ADGRB3: variants seen among roughly 807,000 people sequenced by gnomAD.
The protein encoded by ADGRB3 is adhesion G protein-coupled receptor B3.
Under a neutral mutation model 193.4 loss-of-function variants are expected in ADGRB3, and 37 were observed. The ratio of observed to expected loss-of-function variants is 0.19; its 90% CI spans 0.15 to 0.25. The LOEUF is 0.25. Ranked by LOEUF, ADGRB3 falls within the 10% of genes least tolerant of loss-of-function variation. ADGRB3 has a pLI of 1.00. For synonymous variants in ADGRB3, 690 were observed against 644.2 expected, an observed-to-expected ratio of 1.07 and a Z score of -1.08; for missense variants, 1,637 against 1,852.9, an observed-to-expected ratio of 0.88 and a Z score of 2.14.
chr6:69,157,070 T>C (rs1774861385), intron 17 of ADGRB3, among the ~76,000 whole-genome samples: 1 of 152,182 alleles, frequency 6.6e-6, no homozygotes, highest in Non-Finnish European at 1.5e-5. Context: ...CTGATTTTCA[T>C]ACCATTCACG....
Position 69,382,946 on chromosome 6 carries a change from T to G in ADGRB3, c.4380+11T>G. 1 of 1,548,514 alleles carries G rather than the reference T, an allele frequency of 6.5e-7. No individual in the cohort carries two copies. The highest frequency in any genetic ancestry group is 8.9e-7 in the Non-Finnish European group (1 of 1,125,796). On this transcript the variant is annotated intron_variant, in intron 31 of 31. Coordinates refer to ENST00000370598, the MANE Select transcript of ADGRB3 (RefSeq NM_001704.3). ...AATACAAGCAGTATGGTAAGTATGC[T>G]TTGCTTCAATGCCTGAGTAGAAGAT...
intron 13 of ADGRB3, among the ~76,000 whole-genome samples, chr6:69,020,426 T>A (rs1222448710): frequency 3.3e-5 from 5 of 152,066 alleles, no homozygotes; most frequent in Non-Finnish European, 5.9e-5. Context: ...CATTTATTCA[T>A]CTTTACCTTT....
chr6:68,687,289 T>TTA (rs983055805), intron 3 of ADGRB3, among the ~76,000 whole-genome samples: 1 of 152,102 alleles, frequency 6.6e-6, no homozygotes, highest in African/African-American at 2.4e-5. Context: ...TTTGAAAGTT[T>TTA]TATATATATA....
intron 17 of ADGRB3, among the ~76,000 whole-genome samples, chr6:69,210,996 C>T (rs1306688973): frequency 6.6e-6 from 1 of 151,996 alleles, no homozygotes; most frequent in African/African-American, 2.4e-5. Flanking sequence ...GTGGCAGGCA[C>T]CTGTAGTCCC....
In ADGRB3 at chr6:68,956,556, T is replaced by C. The variant is rs1768081751; in HGVS notation, c.1361-89T>C. The C allele has an allele frequency of 6.1e-6, 9 of 1,487,004 alleles. No homozygotes were observed. In the South Asian group the frequency reaches 1.1e-4, roughly 18 times the overall value. 92.1% of individuals were successfully genotyped at this position (1,487,004 alleles called of 1,614,324 possible). A position where few individuals can be genotyped will look rare whatever the true frequency, so the allele number is the denominator to read the frequency against. ...ATTCACAGTAGTAGATTAACAAAAA[T>C]GGAAGGGGTAGTAACATTCTCAGAT... On this transcript the variant is annotated intron_variant, in intron 7 of 31. Transcript: ENST00000370598.
At chr6:68,912,102 C>A (rs934257857) in intron 3 of ADGRB3, among the ~76,000 whole-genome samples, 2 of 151,856 alleles carry the variant, frequency 1.3e-5, no homozygotes, top group Admixed American at 6.6e-5. Flanking sequence ...TCTTTCTCAG[C>A]CATTTACTAA....
intron 3 of ADGRB3, among the ~76,000 whole-genome samples, chr6:68,659,284 A>G (rs1768565302): frequency 6.6e-6 from 1 of 150,778 alleles, no homozygotes. Context: ...AACTAATCAA[A>G]ACAAAATTAT....
chr6:69,057,465 G>C (rs1771576982), intron 15 of ADGRB3, among the ~76,000 whole-genome samples: 1 of 151,778 alleles, frequency 6.6e-6, no homozygotes, highest in Admixed American at 6.6e-5. Flanking sequence ...GCAAGAGAGG[G>C]CATTTTTGTC....
chr6:69,256,060 A>G (rs1169851553), intron 20 of ADGRB3, among the ~76,000 whole-genome samples: 4 of 151,536 alleles, frequency 2.6e-5, no homozygotes, highest in Non-Finnish European at 5.9e-5. Context: ...CCATTGATCT[A>G]TATCTCTGTT....
rs140280855 is a variant in ADGRB3 at position 68,934,254 on chromosome 6, A to G, written c.869-2265A>G. On this transcript the variant is annotated intron_variant, in intron 4 of 31. Coordinates refer to ENST00000370598, the MANE Select transcript of ADGRB3 (RefSeq NM_001704.3). ...TATTTACTTAGTTTATTTTTGATCA[A>G]TGAAGAGAGAGGAAGAGTGACAAGA... 7.9e-4 allele frequency among the ~76,000 whole-genome samples: 120 copies of G among 152,292 alleles called. 3 individuals carry two copies. Among genetic ancestry groups the G allele is most frequent in the African/African-American group, 2.6e-3 (109 of 41,572 alleles).
chr6:69,047,612 G>C (rs892312249), intron 13 of ADGRB3, among the ~76,000 whole-genome samples: 3 of 151,488 alleles, frequency 2.0e-5, no homozygotes, highest in Non-Finnish European at 4.4e-5. Flanking sequence ...TATTATTTTG[G>C]TTTTGCAACT....
At chr6:68,814,127 G>A (rs1031423887) in intron 3 of ADGRB3, among the ~76,000 whole-genome samples, 24 of 152,106 alleles carry the variant, frequency 1.6e-4, no homozygotes, top group South Asian at 6.2e-4. Context: ...CTGAGGAATC[G>A]CCACACTGAC....
chr6:68,966,338 G>A (rs1768380328), intron 8 of ADGRB3, among the ~76,000 whole-genome samples: 1 of 152,064 alleles, frequency 6.6e-6, no homozygotes, highest in Non-Finnish European at 1.5e-5. Context: ...GGCATAGCAA[G>A]CATTTAAAAC....
intron 17 of ADGRB3, among the ~76,000 whole-genome samples, chr6:69,231,467 T>C (rs751882399): frequency 3.9e-5 from 6 of 152,266 alleles, no homozygotes; most frequent in South Asian, 2.1e-4. Flanking sequence ...GCAGATGTTA[T>C]GTTTTAAAGC....
At chr6:68,729,805 T>C (rs1241665801) in intron 3 of ADGRB3, among the ~76,000 whole-genome samples, 3 of 151,546 alleles carry the variant, frequency 2.0e-5, no homozygotes. Context: ...GATTCCCCAT[T>C]TACAAAGACA....
chr6:68,785,638 G>C (rs1038338694), intron 3 of ADGRB3, among the ~76,000 whole-genome samples: 1 of 152,056 alleles, frequency 6.6e-6, no homozygotes, highest in African/African-American at 2.4e-5. Flanking sequence ...TGTCTTTATA[G>C]GCACATAATT....
chr6:69,114,343 T>C (rs1773460907), intron 17 of ADGRB3, among the ~76,000 whole-genome samples: 1 of 152,242 alleles, frequency 6.6e-6, no homozygotes, highest in Non-Finnish European at 1.5e-5. Flanking sequence ...TCACCCACTT[T>C]TTAATGGGAT....
At chr6:69,050,600 TGAG>T (rs1313927587) in intron 15 of ADGRB3, among the ~76,000 whole-genome samples, 1 of 152,188 alleles carries the variant, frequency 6.6e-6, no homozygotes, top group Non-Finnish European at 1.5e-5. Flanking sequence ...TGTTTGATGT[TGAG>T]GAGAGGTATG....
chr6:68,921,844 G>GT (rs1767052381), intron 3 of ADGRB3, among the ~76,000 whole-genome samples: 1 of 152,070 alleles, frequency 6.6e-6, no homozygotes, highest in South Asian at 2.1e-4. Flanking sequence ...AGAGAAAACT[G>GT]TAAGCATAAT....
Sources: gnomAD v4.1 joint callset for allele counts (sites outside exome capture counted in the v4.1 genomes callset) on GRCh38, gnomAD v4.1.1 for gene constraint, MANE v1.5 for transcripts, NCBI Gene and HGNC (gene_info 2026-07-23, HGNC 2026-07-21) for gene names.